Variants in GLIS3 observed in about 807,000 individuals in gnomAD.
GLIS3 encodes zinc finger protein GLIS3.
GLIS3 carries 53 observed loss-of-function variants against 78.6 expected under a neutral mutation model. The ratio of observed to expected loss-of-function variants is 0.67; its 90% CI spans 0.54 to 0.85. The LOEUF (loss-of-function observed/expected upper bound fraction) is 0.85, where lower values mean the gene tolerates loss of function less well. GLIS3 is among the 40% of genes least tolerant of loss of function. The pLI, the probability that GLIS3 is intolerant of heterozygous loss-of-function variation, is 0.00. For synonymous variants in GLIS3, 684 were observed against 509.9 expected (o/e 1.34, Z -4.60); for missense variants, 1,703 against 1,231.1 (o/e 1.38, Z -5.74).
the GLIS3 span, among the ~76,000 whole-genome samples, chr9:4,420,536 G>C: frequency 2.0e-5 from 3 of 152,184 alleles, no homozygotes; most frequent in African/African-American, 7.2e-5. Flanking sequence ...GGGTAAGGCA[G>C]GTGGGGAATA....
chr9:4,126,085 G>C, intron 2 of GLIS3, 144 bp from the exon 3 acceptor site: 1 of 672,918 alleles, frequency 1.5e-6, no homozygotes, highest in Non-Finnish European at 2.6e-6. Flanking sequence ...ATAGCAAAAG[G>C]CTTTCTCCAA....
At chr9:4,437,375 T>C in the GLIS3 span, among the ~76,000 whole-genome samples, 1 of 152,216 alleles carries the variant, frequency 6.6e-6, no homozygotes, top group South Asian at 2.1e-4. Flanking sequence ...TACATATTCA[T>C]ATTTTCTAAA....
intron 2 of GLIS3, among the ~76,000 whole-genome samples, chr9:4,329,109 C>G (rs1817645997): frequency 6.6e-6 from 1 of 152,138 alleles, no homozygotes; most frequent in Non-Finnish European, 1.5e-5. Context: ...TTCAATCCAC[C>G]AATATACTGC....
chr9:4,362,308 T>C, the GLIS3 span, among the ~76,000 whole-genome samples: 4 of 152,240 alleles, frequency 2.6e-5, no homozygotes, highest in Admixed American at 6.5e-5. Flanking sequence ...TTCTCTCAGC[T>C]AGGAAGGAAT....
rs759232992 is a variant in GLIS3 at position 4,118,138 on chromosome 9, G to A, written c.1340C>T (p.Pro447Leu). The change falls in exon 4 of 11, where the codon CCT becomes CTT. Residue 447 changes from proline to leucine, a missense_variant. Coordinates refer to ENST00000381971, the MANE Select transcript of GLIS3 (RefSeq NM_001042413.2). The surrounding 1 kb of genome is among the most constrained non-coding windows in gnomAD (Gnocchi z 4.7). ...GGGCGGCGGCAGAGGAGGGAGCGGA[G>A]GCGCGGGGGGTAGGTCTACGGTGCT... ...PGSTVDLPPA[P>L]PLPPLPPPPG... is the part of the protein sequence containing the mutation. The A allele has an allele frequency of 5.2e-6, 8 of 1,551,192 alleles. No individual in the cohort carries two copies. Among genetic ancestry groups the A allele is most frequent in the African/African-American group, 2.7e-5 (2 of 73,626 alleles).
chr9:4,105,337 C>T (rs770974830), intron 4 of GLIS3, among the ~76,000 whole-genome samples: 1 of 152,178 alleles, frequency 6.6e-6, no homozygotes, highest in African/African-American at 2.4e-5. Context: ...CATAATTTCA[C>T]TCCCAGGCAC....
upstream of GLIS3, among the ~76,000 whole-genome samples, chr9:4,353,004 G>C (rs1175968883): frequency 2.0e-5 from 3 of 152,082 alleles, no homozygotes; most frequent in Non-Finnish European, 2.9e-5. Context: ...TGGTTTTTTG[G>C]CTCATTGGTT....
chr9:3,974,219 G>A (rs1035411774), intron 4 of GLIS3, among the ~76,000 whole-genome samples: 1 of 152,016 alleles, frequency 6.6e-6, no homozygotes, highest in Non-Finnish European at 1.5e-5. Context: ...GTCAAGAACT[G>A]AGTTTGAATA....
intron 2 of GLIS3, among the ~76,000 whole-genome samples, chr9:4,283,544 G>C (rs1371097990): frequency 6.6e-6 from 1 of 152,158 alleles, no homozygotes; most frequent in East Asian, 1.9e-4. Context: ...GGGATTACAA[G>C]CGTGAGCCAT....
chr9:4,115,720 T>A (rs1831588638), intron 4 of GLIS3, among the ~76,000 whole-genome samples: 2 of 152,184 alleles, frequency 1.3e-5, no homozygotes, highest in African/African-American at 4.8e-5. Flanking sequence ...GAAGGCTTCC[T>A]GCTAAAAATA....
intron 4 of GLIS3, among the ~76,000 whole-genome samples, chr9:4,045,952 G>A (rs746998946): frequency 6.6e-6 from 1 of 152,068 alleles, no homozygotes; most frequent in Non-Finnish European, 1.5e-5. Context: ...GGAGATCGGG[G>A]GGGAAATCAT....
At chr9:4,090,517 G>A (rs180896729) in intron 4 of GLIS3, among the ~76,000 whole-genome samples, 1 of 152,142 alleles carries the variant, frequency 6.6e-6, no homozygotes, top group Admixed American at 6.5e-5. Context: ...GCTAAGGGCG[G>A]AAAGAAAAGG....
At chr9:4,020,629 T>G (rs16920396) in intron 4 of GLIS3, among the ~76,000 whole-genome samples, 3,212 of 152,340 alleles carry the variant, frequency 0.021, 111 homozygotes, top group African/African-American at 0.072. Flanking sequence ...TTTTCACCTT[T>G]GTTCTAATCT....
At position 4,316,456 on chromosome 9, in the gene GLIS3, A is replaced by C. The variant is rs77118108; in HGVS notation, n.265-5928T>G. On this transcript the variant is annotated intron_variant and non_coding_transcript_variant, in intron 2 of 4. Coordinates refer to the GLIS3 transcript ENST00000471664. Reference sequence around the variant, plus strand: ...GCAGGTCCTTAAATATCATCATTTCATTCAACATCATTTTGTGATAACATT... The same window carrying C: ...GCAGGTCCTTAAATATCATCATTTCCTTCAACATCATTTTGTGATAACATT... 3.3e-4 allele frequency among the ~76,000 whole-genome samples: 51 copies of C among 152,324 alleles called. No individual in the cohort carries two copies. The East Asian group carries it at 9.2e-3, about 28-fold the overall frequency.
chr9:4,110,174 C>G (rs1831097231), intron 4 of GLIS3, among the ~76,000 whole-genome samples: 1 of 152,178 alleles, frequency 6.6e-6, no homozygotes, highest in Non-Finnish European at 1.5e-5. Context: ...AGTACACATA[C>G]TATTTGGGTA....
chr9:4,174,422 AT>A (rs1432998200), intron 2 of GLIS3, among the ~76,000 whole-genome samples: 3 of 152,232 alleles, frequency 2.0e-5, no homozygotes, highest in African/African-American at 4.8e-5. Context: ...ATACAAAAAA[AT>A]ATATAAATTC....
chr9:4,375,676 C>G, the GLIS3 span, among the ~76,000 whole-genome samples: 4 of 152,216 alleles, frequency 2.6e-5, no homozygotes, highest in Non-Finnish European at 5.9e-5. Context: ...ATAAAACATG[C>G]TCATCATTGT....
the GLIS3 span, among the ~76,000 whole-genome samples, chr9:4,385,891 C>T: frequency 3.9e-5 from 6 of 152,000 alleles, no homozygotes; most frequent in African/African-American, 9.7e-5. Context: ...GAGCCAATCC[C>T]GAAAGAGATT....
At chr9:4,413,422 G>A in the GLIS3 span, among the ~76,000 whole-genome samples, 1 of 152,110 alleles carries the variant, frequency 6.6e-6, no homozygotes, top group African/African-American at 2.4e-5. Context: ...ATCAACAGAA[G>A]GGTTTCTATA....
Sources: gnomAD v4.1 joint callset for allele counts (sites outside exome capture counted in the v4.1 genomes callset) on GRCh38, gnomAD v4.1.1 for gene constraint, Gnocchi (gnomAD v3.1) non-coding constraint, MANE v1.5 for transcripts, NCBI Gene and HGNC (gene_info 2026-07-23, HGNC 2026-07-21) for gene names.